The following HACE1 variants were observed in gnomAD, a reference collection of about 807,000 sequenced individuals.
HACE1 encodes the protein E3 ubiquitin-protein ligase HACE1.
In HACE1, 73 loss-of-function variants were observed where a neutral mutation model predicts 118.4. The ratio of observed to expected loss-of-function variants is 0.62; its 90% CI spans 0.51 to 0.75. The LOEUF is 0.75. Among genes scored for constraint, HACE1 ranks in the 30% least tolerant of loss-of-function variants. The pLI is 0.00. For synonymous variants in HACE1, 368 were observed against 374.8 expected, an observed-to-expected ratio of 0.98 and a Z score of 0.21; for missense variants, 749 against 1,102.2, an observed-to-expected ratio of 0.68 and a Z score of 4.54.
chr6:104,775,414 G>A (rs1294103074), intron 17 of HACE1, among the ~76,000 whole-genome samples: 1 of 151,848 alleles, frequency 6.6e-6, no homozygotes, highest in African/African-American at 2.4e-5. Context: ...AACTTTATGG[G>A]TCTATGTACT....
At chr6:104,824,366 T>C (rs778770990) in intron 6 of HACE1, among the ~76,000 whole-genome samples, 1 of 152,198 alleles carries the variant, frequency 6.6e-6, no homozygotes, top group Admixed American at 6.5e-5. Flanking sequence ...TGCCTGGTCT[T>C]AACAACTGGA....
intron 22 of HACE1, among the ~76,000 whole-genome samples, chr6:104,737,692 C>G (rs1055510829): frequency 2.0e-5 from 3 of 152,184 alleles, no homozygotes; most frequent in African/African-American, 4.8e-5. Context: ...CACGGAGTCT[C>G]GCTGATTGCT....
At chr6:104,850,300 T>C (rs919310134) in intron 3 of HACE1, among the ~76,000 whole-genome samples, 26 of 152,278 alleles carry the variant, frequency 1.7e-4, no homozygotes, top group Non-Finnish European at 3.7e-4. Flanking sequence ...CTGACACAAA[T>C]AGTAAACATT....
At chr6:104,820,194 CAAAAA>C (rs60172674) in intron 6 of HACE1, among the ~76,000 whole-genome samples, 1 of 58,878 alleles carries the variant, frequency 1.7e-5, no homozygotes, top group Non-Finnish European at 3.9e-5. Flanking sequence ...GACTCCGTCT[CAAAAA>C]AAAAAAAAAA....
chr6:104,832,964 G>C, intron 6 of HACE1, 78 bp downstream of exon 6: 1 of 1,287,498 alleles, frequency 7.8e-7, no homozygotes, highest in Non-Finnish European at 1.1e-6. Flanking sequence ...TCCCAAATAT[G>C]CACAATGAAA....
intron 6 of HACE1, among the ~76,000 whole-genome samples, chr6:104,816,896 G>A (rs1459560750): frequency 2.6e-5 from 4 of 152,252 alleles, no homozygotes; most frequent in African/African-American, 4.8e-5. Context: ...CGGAGTCAAC[G>A]GAAATTATTT....
At chr6:104,791,318 A>G (rs1271467534) in intron 11 of HACE1, among the ~76,000 whole-genome samples, 186 bp downstream of exon 11, 1 of 152,216 alleles carries the variant, frequency 6.6e-6, no homozygotes, top group Non-Finnish European at 1.5e-5. Context: ...AAAATACAGA[A>G]AGCTCACCAA....
intron 22 of HACE1, among the ~76,000 whole-genome samples, chr6:104,742,088 T>C (rs1413277073): frequency 7.3e-6 from 1 of 136,578 alleles, no homozygotes. Flanking sequence ...TAAATGGTGC[T>C]GGGAAAACTG....
At chr6:104,844,021 A>G (rs1213580145) in intron 4 of HACE1, among the ~76,000 whole-genome samples, 2 of 149,842 alleles carry the variant, frequency 1.3e-5, no homozygotes, top group African/African-American at 4.9e-5. Context: ...CACGCCAGCT[A>G]ATTTTTGTAT....
intron 22 of HACE1, among the ~76,000 whole-genome samples, chr6:104,740,383 G>GT (rs1469875597): frequency 6.6e-6 from 1 of 151,796 alleles, no homozygotes; most frequent in East Asian, 1.9e-4. Flanking sequence ...CCAGGAGGTG[G>GT]TTTTTTGAAA....
At chr6:104,827,634 C>A (rs1582670105) in intron 6 of HACE1, among the ~76,000 whole-genome samples, 1 of 152,252 alleles carries the variant, frequency 6.6e-6, no homozygotes, top group Admixed American at 6.5e-5. Context: ...GGAATATACT[C>A]TGAAATGTTA....
chr6:104,774,376 C>T (rs1191395315), intron 17 of HACE1, among the ~76,000 whole-genome samples: 8 of 89,938 alleles, frequency 8.9e-5, no homozygotes, highest in Non-Finnish European at 1.1e-4. Context: ...AGGCGTGAGC[C>T]ACCGCGCCCG....
At chr6:104,811,470 A>G in intron 6 of HACE1, 77 bp from the exon 7 acceptor site, 2 of 731,666 alleles carry the variant, frequency 2.7e-6, no homozygotes, top group Admixed American at 1.8e-5. Context: ...TTTAATCCAT[A>G]TAAGGGAAGT....
chr6:104,772,879 C>T (rs529815955), intron 17 of HACE1, among the ~76,000 whole-genome samples: 9 of 152,060 alleles, frequency 5.9e-5, no homozygotes, highest in South Asian at 2.1e-4. Context: ...TATTGCTTAA[C>T]GGGTACAGAA....
At chr6:104,765,441 T>C (rs980962629) in intron 19 of HACE1, among the ~76,000 whole-genome samples, 1 of 152,234 alleles carries the variant, frequency 6.6e-6, no homozygotes, top group African/African-American at 2.4e-5. Context: ...TCTCATCAGC[T>C]GTAGTCAGTG....
rs1774986247 is a variant in HACE1 at position 104,729,617 on chromosome 6, A to G, written c.*45T>C. On this transcript the variant is annotated 3_prime_UTR_variant, in exon 24 of 24. Transcript: ENST00000262903. ...GACATTTTCCCAAATTACTTCTGCC[A>G]TTCTGAATTGTGCATCAGTAGTCAG... 1.1e-6 allele frequency: 1 copy of G among 935,098 alleles called. No homozygotes were observed. Among genetic ancestry groups the G allele is most frequent in the East Asian group, 2.4e-5 (1 of 41,894 alleles). The allele number at this position is 935,098 out of a possible 1,614,324, so 57.9% of individuals were successfully genotyped here. A position where few individuals can be genotyped will look rare whatever the true frequency, so the allele number is the denominator to read the frequency against.
chr6:104,795,181 A>T (rs1582506057), intron 10 of HACE1, among the ~76,000 whole-genome samples: 1 of 152,218 alleles, frequency 6.6e-6, no homozygotes, highest in South Asian at 2.1e-4. Context: ...TCAGAGAAAA[A>T]AACTTTATAA....
At chr6:104,809,931 T>A (rs977206293) in intron 7 of HACE1, among the ~76,000 whole-genome samples, 1 of 151,732 alleles carries the variant, frequency 6.6e-6, no homozygotes, top group African/African-American at 2.4e-5. Context: ...ACTGAGACAA[T>A]AAGGTTTCTA....
At chr6:104,779,864 TATA>T (rs1781551921) in intron 14 of HACE1, among the ~76,000 whole-genome samples, 1 of 151,994 alleles carries the variant, frequency 6.6e-6, no homozygotes, top group Non-Finnish European at 1.5e-5. Flanking sequence ...TTATGATAAT[TATA>T]ATAATCATAA....
Sources: allele counts gnomAD v4.1 joint callset (sites outside exome capture counted in the v4.1 genomes callset), GRCh38; gene constraint gnomAD v4.1.1; transcripts MANE v1.5; gene names NCBI Gene and HGNC (gene_info 2026-07-23, HGNC 2026-07-21).